CTSG: variants seen among roughly 807,000 people sequenced by gnomAD.
CTSG encodes cathepsin G.
CTSG carries 23 observed loss-of-function variants against 23.0 expected under a neutral mutation model. That is an observed-to-expected ratio of 1.00 (90% CI 0.72 to 1.42). The LOEUF is 1.42. Ranked by LOEUF, CTSG falls within the 40% of genes most tolerant of loss-of-function variation. The probability of loss-of-function intolerance (pLI) is 0.00; values close to 1 mark genes in which losing one functional copy is unlikely to be tolerated. For synonymous variants in CTSG, 140 were observed against 130.4 expected, an observed-to-expected ratio of 1.07 and a Z score of -0.50; for missense variants, 312 against 326.2, an observed-to-expected ratio of 0.96 and a Z score of 0.33.
At chr14:24,574,195 T>C (rs781392047) in intron 4 of CTSG, 50 bp downstream of exon 4, 239 of 1,593,920 alleles carry the variant, frequency 1.5e-4, no homozygotes, top group Non-Finnish European at 2.0e-4. Context: ...TGCCTGGCTC[T>C]GCACGGGCCC....
intron 1 of CTSG, 148 bp from the exon 2 acceptor site, chr14:24,575,560 A>G (rs2066738034): frequency 8.6e-6 from 7 of 815,012 alleles, no homozygotes; most frequent in South Asian, 8.0e-5. Context: ...CTTGGAGTCT[A>G]TGGGGCAGCA....
At position 24,574,678 on chromosome 14, in the gene CTSG, C is replaced by A. The variant is rs777953339; in HGVS notation, c.336G>T (p.Leu112Phe). The A allele has an allele frequency of 6.2e-6, 10 of 1,614,200 alleles. No homozygotes were observed. The highest frequency in any genetic ancestry group is 5.0e-5 in the Admixed American group (3 of 60,028). The change falls in exon 3 of 5, where the codon TTG becomes TTT. Residue 112 changes from leucine to phenylalanine, a missense_variant. Coordinates refer to ENST00000216336, the MANE Select transcript of CTSG (RefSeq NM_001911.3). ...CAGAGGGCCAGGTAGGTGGTACCTG[C>A]AATAACATGATGTCATTCTGGATGG... ...QRTIQNDIML[L>F]QLSRRVRRNR...
chr14:24,574,554 G>A (rs529174742), intron 3 of CTSG, 55 bp from the exon 4 acceptor site: 1 of 1,611,472 alleles, frequency 6.2e-7, no homozygotes, highest in African/African-American at 1.3e-5. Context: ...CCAAGGCTCG[G>A]GGGTCGCTGG....
chr14:24,574,316 T>A lies in CTSG; in HGVS notation c.523A>T (p.Ile175Phe). 3 of 1,602,928 alleles carry A rather than the reference T, an allele frequency of 1.9e-6. No homozygotes were observed. The highest frequency in any genetic ancestry group is 2.5e-6 in the Non-Finnish European group (3 of 1,179,896). The stretch of plus-strand genomic sequence containing the variant: ...CTTCGGGGGTCGTAGGAACCGAAGA[T>A]GCGGAGGCACTGCCTATCCCTCTGC... ...RVQRDRQCLRIFGSYDPRRQI... is the reference protein window; with the variant it reads ...RVQRDRQCLRFFGSYDPRRQI... Residue 175 changes from isoleucine (I) to phenylalanine (F), a missense_variant, in exon 4 of 5, where the codon ATC becomes TTC. Ile to Phe is a conservative substitution (Grantham distance 21, BLOSUM62 0). Coordinates refer to ENST00000216336, the MANE Select transcript of CTSG (RefSeq NM_001911.3).
At chr14:24,575,244 G>A (rs750317988) in intron 2 of CTSG, 21 bp downstream of exon 2, 1 of 1,613,916 alleles carries the variant, frequency 6.2e-7, no homozygotes, top group South Asian at 1.1e-5. Flanking sequence ...TGGCTGGCCA[G>A]GAAGTTCCTT....
rs2066731063 is a variant in CTSG, at chr14:24,574,476, AT to A, written c.362del (p.Asn121IlefsTer4). On this transcript the variant is annotated frameshift_variant, in exon 4 of 5. Coordinates refer to ENST00000216336, the MANE Select transcript of CTSG (RefSeq NM_001911.3). LOFTEE classifies it high-confidence loss of function. The part of the protein sequence containing the change: ...LLQLSRRVRR[N>X]RNVNPVALPR... ...GCAGAGCCACTGGGTTCACGTTTCG[AT>A]TCCGTCTGACTCTTCTGCTCAGCTG... The A allele has an allele frequency of 4.3e-6, 7 of 1,613,594 alleles. No homozygotes were observed. Among genetic ancestry groups the A allele is most frequent in the Non-Finnish European group, 5.9e-6 (7 of 1,179,986 alleles).
At chr14:24,573,947 G>A (rs1283513189) in intron 4 of CTSG, 137 bp from the exon 5 acceptor site, 9 of 818,276 alleles carry the variant, frequency 1.1e-5, no homozygotes, top group Non-Finnish European at 1.7e-5. Flanking sequence ...GATCGGTGGG[G>A]TACAGGAGCC....
intron 4 of CTSG, 43 bp downstream of exon 4, chr14:24,574,202 G>A (rs1489699906): frequency 2.5e-6 from 4 of 1,596,266 alleles, no homozygotes; most frequent in African/African-American, 1.3e-5. Context: ...CTCTGCACGG[G>A]CCCCTCTCTC....
rs370459122 is a variant in CTSG, at chr14:24,573,802, G to A, written c.603C>T (p.Ser201=). 2.3e-5 allele frequency: 37 copies of A among 1,613,832 alleles called. No individual in the cohort carries two copies. Among genetic ancestry groups the A allele is most frequent in the Non-Finnish European group, 3.1e-5 (37 of 1,179,918 alleles). Residue 201 remains serine (S), a synonymous_variant, in exon 5 of 5, where the codon TCC becomes TCT. Coordinates refer to ENST00000216336, the MANE Select transcript of CTSG (RefSeq NM_001911.3). ...RERKAAFKGD[S]GGPLLCNNVA... is the part of the protein sequence containing the mutation. ...CATTGTTACACAGCAGGGGGCCTCC[G>A]GAATCCCCCTGTAGGTAGAGAGGAG...
Position 24,574,483 on chromosome 14 carries a change from C to G in CTSG, c.356G>C (p.Arg119Thr). The change falls in exon 4 of 5, where the codon AGA becomes ACA. Residue 119 changes from arginine (R) to threonine (T), a missense_variant. By Grantham distance (71) the Arg-to-Thr change is moderately conservative (BLOSUM62 -1). Coordinates refer to ENST00000216336, the MANE Select transcript of CTSG (RefSeq NM_001911.3). ...IMLLQLSRRV[R>T]RNRNVNPVAL... is the part of the protein sequence containing the mutation. ...CACTGGGTTCACGTTTCGATTCCGT[C>G]TGACTCTTCTGCTCAGCTGGAGGAA... The G allele has an allele frequency of 6.2e-7, 1 of 1,614,070 alleles. No individual in the cohort carries two copies. The highest frequency in any genetic ancestry group is 8.5e-7 in the Non-Finnish European group (1 of 1,180,030).
intron 4 of CTSG, 109 bp from the exon 5 acceptor site, chr14:24,573,919 G>A: frequency 6.9e-6 from 7 of 1,012,068 alleles, no homozygotes; most frequent in Non-Finnish European, 1.0e-5. Flanking sequence ...TCAATTGCTG[G>A]GTGTGTGTGA....
In CTSG at chr14:24,575,006, G is replaced by A. The variant is rs11623400; in HGVS notation, c.204-196C>T. The A allele has an allele frequency of 0.26, 191,538 of 742,718 alleles. 26,758 individuals carry two copies. The highest frequency in any genetic ancestry group is 0.31 in the South Asian group (17,085 of 54,298). 46.0% of individuals were successfully genotyped at this position (742,718 alleles called of 1,614,324 possible). ...CAGGGTGGTACTTGCCTTCAGGTTTGCTTCCCCAGATTAAGTTGATAAATA... is the reference window on the plus strand; with the variant it reads ...CAGGGTGGTACTTGCCTTCAGGTTTACTTCCCCAGATTAAGTTGATAAATA... On this transcript the variant is annotated intron_variant, in intron 2 of 4. Coordinates refer to ENST00000216336, the MANE Select transcript of CTSG (RefSeq NM_001911.3).
At chr14:24,575,233 C>T in intron 2 of CTSG, 32 bp downstream of exon 2, 1 of 1,613,806 alleles carries the variant, frequency 6.2e-7, no homozygotes, top group Admixed American at 1.7e-5. Context: ...GGCTGTGTTC[C>T]TGGCTGGCCA....
chr14:24,575,435 T>C (rs1316449425), intron 1 of CTSG, 23 bp from the exon 2 acceptor site: 1 of 1,613,690 alleles, frequency 6.2e-7, no homozygotes, highest in Non-Finnish European at 8.5e-7. Context: ...ATTTGGCACT[T>C]AGCTCTATGC....
chr14:24,575,770 AC>A (rs1306013566), intron 1 of CTSG, among the ~76,000 whole-genome samples: 1 of 152,110 alleles, frequency 6.6e-6, no homozygotes, highest in Non-Finnish European at 1.5e-5. Context: ...GTTCCCTTAT[AC>A]TTTTATCCTC....
At chr14:24,575,583 G>A (rs916572358) in intron 1 of CTSG, among the ~76,000 whole-genome samples, 171 bp from the exon 2 acceptor site, 6 of 152,234 alleles carry the variant, frequency 3.9e-5, no homozygotes, top group African/African-American at 1.4e-4. Flanking sequence ...TTGGGAGGGG[G>A]CTCCAGGGTT....
intron 4 of CTSG, 114 bp from the exon 5 acceptor site, chr14:24,573,924 G>A: frequency 3.1e-6 from 3 of 954,696 alleles, no homozygotes; most frequent in Non-Finnish European, 4.7e-6. Context: ...TGCTGGGTGT[G>A]TGTGAGATGG....
Position 24,573,794 on chromosome 14 carries a change from G to C in CTSG, c.611C>G (p.Pro204Arg). The C allele has an allele frequency of 6.2e-7, 1 of 1,614,010 alleles. No individual in the cohort carries two copies. The highest frequency in any genetic ancestry group is 8.5e-7 in the Non-Finnish European group (1 of 1,179,980). Residue 204 changes from proline to arginine, a missense_variant, in exon 5 of 5, where the codon CCC becomes CGC. Transcript: ENST00000216336. The part of the protein sequence containing the change: ...KAAFKGDSGG[P>R]LLCNNVAHGI... ...GTGGGCCACATTGTTACACAGCAGG[G>C]GGCCTCCGGAATCCCCCTGTAGGTA...
Position 24,574,284 on chromosome 14 carries a change from A to G in CTSG, c.555T>C (p.Ile185=). ...TCCGTTCCCGCCGGTCCCCCACACA[A>G]ATCTGCCTTCGGGGGTCGTAGGAAC... The part of the protein sequence containing the change: ...IFGSYDPRRQ[I]CVGDRRERKA... Residue 185 remains isoleucine, a synonymous_variant, in exon 4 of 5, where the codon ATT becomes ATC. Coordinates refer to ENST00000216336, the MANE Select transcript of CTSG (RefSeq NM_001911.3). 1.2e-6 allele frequency: 2 copies of G among 1,600,286 alleles called. No individual in the cohort carries two copies. The highest frequency in any genetic ancestry group is 1.7e-6 in the Non-Finnish European group (2 of 1,179,888).
Sources: gnomAD v4.1 joint callset for allele counts (sites outside exome capture counted in the v4.1 genomes callset) on GRCh38, gnomAD v4.1.1 for gene constraint, MANE v1.5 for transcripts, NCBI Gene and HGNC (gene_info 2026-07-23, HGNC 2026-07-21) for gene names.